Variants in CNIH3 observed in about 807,000 individuals in gnomAD.
The protein encoded by CNIH3 is cornichon family AMPA receptor auxiliary protein 3.
In CNIH3, 14 loss-of-function variants were observed where a neutral mutation model predicts 24.1. The ratio of observed to expected loss-of-function variants is 0.58; its 90% CI spans 0.38 to 0.91. CNIH3 has a LOEUF of 0.91. Among genes scored for constraint, CNIH3 ranks in the 40% least tolerant of loss-of-function variants. CNIH3 has a pLI of 0.00. For missense variants in CNIH3, 178 were observed against 196.8 expected, an observed-to-expected ratio of 0.90 and a Z score of 0.57; for synonymous variants, 68 against 73.8, an observed-to-expected ratio of 0.92 and a Z score of 0.40.
intron 1 of CNIH3, among the ~76,000 whole-genome samples, chr1:224,457,480 A>C (rs987147929): frequency 2.7e-5 from 4 of 146,156 alleles, no homozygotes; most frequent in African/African-American, 1.0e-4. Context: ...ATCAAAGGGT[A>C]CCCAACTGAA....
At chr1:224,533,146 C>G (rs1467371066) in intron 2 of CNIH3, among the ~76,000 whole-genome samples, 1 of 151,778 alleles carries the variant, frequency 6.6e-6, no homozygotes, top group Non-Finnish European at 1.5e-5. Context: ...GAGGAGAATT[C>G]CAAATAGAGG....
intron 1 of CNIH3, among the ~76,000 whole-genome samples, chr1:224,636,132 C>T (rs1042896993): frequency 2.6e-5 from 4 of 152,204 alleles, no homozygotes; most frequent in African/African-American, 7.2e-5. Flanking sequence ...TGTGGCACCC[C>T]GTTGTTAGAA....
chr1:224,602,525 T>C (rs1212709586), intron 3 of CNIH3, among the ~76,000 whole-genome samples: 1 of 152,228 alleles, frequency 6.6e-6, no homozygotes, highest in African/African-American at 2.4e-5. Flanking sequence ...TTCTGAAGAA[T>C]ATGTAAGTTG....
At chr1:224,457,016 G>A (rs750850132) in intron 1 of CNIH3, among the ~76,000 whole-genome samples, 1 of 152,224 alleles carries the variant, frequency 6.6e-6, no homozygotes, top group Admixed American at 6.5e-5. Context: ...GAAGGGTGGT[G>A]TAACTGCCCC....
chr1:224,645,047 T>C (rs12121558), intron 1 of CNIH3, among the ~76,000 whole-genome samples: 89,172 of 152,106 alleles, frequency 0.59, 28,600 homozygotes, highest in African/African-American at 0.85. Flanking sequence ...CCACTGGGAG[T>C]GGCGAACAGT....
At chr1:224,555,421 A>AT (rs1462718631) in intron 3 of CNIH3, among the ~76,000 whole-genome samples, 1 of 152,228 alleles carries the variant, frequency 6.6e-6, no homozygotes, top group Non-Finnish European at 1.5e-5. Flanking sequence ...CTAGGAACTC[A>AT]TCCTTTTAGA....
At chr1:224,691,640 A>C (rs1686938345) in intron 3 of CNIH3, among the ~76,000 whole-genome samples, 1 of 152,194 alleles carries the variant, frequency 6.6e-6, no homozygotes, top group African/African-American at 2.4e-5. Context: ...TATTGTTTTA[A>C]GGCACTGTAT....
intron 4 of CNIH3, among the ~76,000 whole-genome samples, chr1:224,573,416 G>A (rs951158436): frequency 5.3e-5 from 8 of 152,134 alleles, no homozygotes; most frequent in South Asian, 2.1e-4. Flanking sequence ...AGGAAAAGCC[G>A]AGCTCAGCCG....
intron 1 of CNIH3, among the ~76,000 whole-genome samples, chr1:224,642,997 G>A (rs778665420): frequency 1.3e-5 from 2 of 152,130 alleles, no homozygotes; most frequent in African/African-American, 2.4e-5. Flanking sequence ...GTTCTCCTCC[G>A]AGATTCCTAA....
At chr1:224,583,562 C>A (rs578029500) in intron 5 of CNIH3, among the ~76,000 whole-genome samples, 60 of 152,262 alleles carry the variant, frequency 3.9e-4, no homozygotes, top group Admixed American at 8.5e-4. Flanking sequence ...GGATGGTAAG[C>A]TATGGTGGAG....
At chr1:224,733,226 C>T (rs1048938218) in intron 4 of CNIH3, among the ~76,000 whole-genome samples, 1 of 152,156 alleles carries the variant, frequency 6.6e-6, no homozygotes, top group Non-Finnish European at 1.5e-5. Flanking sequence ...CCCATTTCAC[C>T]GATGAGAAAG....
At chr1:224,619,271 T>G (rs192214830) in intron 1 of CNIH3, among the ~76,000 whole-genome samples, 37 of 152,348 alleles carry the variant, frequency 2.4e-4, no homozygotes, top group Admixed American at 1.6e-3. Flanking sequence ...GGTTGACATT[T>G]GAATGAAAAT....
At chr1:224,494,400 T>A (rs1677351604) in intron 1 of CNIH3, among the ~76,000 whole-genome samples, 1 of 152,184 alleles carries the variant, frequency 6.6e-6, no homozygotes, top group South Asian at 2.1e-4. Context: ...CCAGAGAATG[T>A]ATGTCAGGCA....
At chr1:224,630,562 G>A (rs769595209) in intron 1 of CNIH3, among the ~76,000 whole-genome samples, 30 of 151,432 alleles carry the variant, frequency 2.0e-4, no homozygotes, top group Non-Finnish European at 3.7e-4. Context: ...CACTTACCTG[G>A]CCATATATTT....
chr1:224,564,315 T>G (rs770255935), intron 3 of CNIH3, among the ~76,000 whole-genome samples: 3 of 152,154 alleles, frequency 2.0e-5, no homozygotes, highest in Non-Finnish European at 4.4e-5. Flanking sequence ...ATATCTCTGG[T>G]TTTCTAAAAT....
intron 3 of CNIH3, among the ~76,000 whole-genome samples, chr1:224,553,072 C>T (rs758233089): frequency 2.1e-4 from 32 of 149,518 alleles, no homozygotes; most frequent in African/African-American, 7.4e-4. Context: ...AGGGTGTACA[C>T]CCACTGTGAT....
At chr1:224,474,075 A>G (rs1290755060) in intron 1 of CNIH3, among the ~76,000 whole-genome samples, 1 of 152,180 alleles carries the variant, frequency 6.6e-6, no homozygotes, top group Non-Finnish European at 1.5e-5. Flanking sequence ...TAAAAAAACG[A>G]AAGTTTTGGC....
chr1:224,646,660 C>T (rs2125099304), intron 1 of CNIH3, among the ~76,000 whole-genome samples: 1 of 152,286 alleles, frequency 6.6e-6, no homozygotes, highest in South Asian at 2.1e-4. Flanking sequence ...CCTGCTTCGG[C>T]ATCCTAAATT....
intron 1 of CNIH3, among the ~76,000 whole-genome samples, chr1:224,639,427 G>A (rs1359478624): frequency 6.6e-6 from 1 of 152,240 alleles, no homozygotes; most frequent in South Asian, 2.1e-4. Flanking sequence ...ATAATGGAAA[G>A]TCTTGAGTTC....
Sources: allele counts gnomAD v4.1 joint callset (sites outside exome capture counted in the v4.1 genomes callset), GRCh38; gene constraint gnomAD v4.1.1; transcripts MANE v1.5; gene names NCBI Gene and HGNC (gene_info 2026-07-23, HGNC 2026-07-21).